TRA2B: variants seen among roughly 807,000 people sequenced by gnomAD.
TRA2B encodes transformer-2 protein homolog beta.
In TRA2B, 14 loss-of-function variants were observed where a neutral mutation model predicts 41.7. That is an observed-to-expected ratio of 0.34 (90% CI 0.22 to 0.53). TRA2B has a LOEUF of 0.53. Ranked by LOEUF, TRA2B falls within the 20% of genes least tolerant of loss-of-function variation. The probability of loss-of-function intolerance (pLI) is 0.95; values close to 1 mark genes in which losing one functional copy is unlikely to be tolerated. For missense variants in TRA2B, 167 were observed against 396.8 expected, an observed-to-expected ratio of 0.42 and a Z score of 4.92; for synonymous variants, 130 against 128.8, an observed-to-expected ratio of 1.01 and a Z score of -0.06.
intron 7 of TRA2B, 144 bp downstream of exon 7, chr3:185,919,293 T>A: frequency 1.7e-6 from 1 of 575,980 alleles, no homozygotes; most frequent in Non-Finnish European, 3.0e-6. Flanking sequence ...TTTATACATT[T>A]AGTTTCCGTT....
At chr3:185,937,303 T>C in intron 1 of TRA2B, 11 of 987,546 alleles carry the variant, frequency 1.1e-5, no homozygotes, top group Non-Finnish European at 1.3e-5. Flanking sequence ...GGTCCTTCGT[T>C]AACCTAAACA....
chr3:185,937,477 C>A (rs1578491699), intron 1 of TRA2B: 12 of 1,066,764 alleles, frequency 1.1e-5, no homozygotes, highest in Non-Finnish European at 1.3e-5. Flanking sequence ...ATGGCTGCGG[C>A]GGACCTTCGC....
intron 4 of TRA2B, chr3:185,923,581 A>G (rs1743824660): frequency 7.4e-6 from 3 of 403,290 alleles, no homozygotes; most frequent in Non-Finnish European, 1.3e-5. Flanking sequence ...GTTGACCCCA[A>G]TAGGTGGCAA....
At position 185,935,499 on chromosome 3, in the gene TRA2B, C is replaced by CA. The variant is rs554148784; in HGVS notation, c.36+2325dup. On this transcript the variant is annotated intron_variant, in intron 1 of 8. Coordinates refer to ENST00000453386, the MANE Select transcript of TRA2B (RefSeq NM_004593.3). ...ACCTTAAAGGGGAGGGACACAACAA[C>CA]AAACTCCTACAGTCACTGGAAAAGG... is the stretch of plus-strand genomic sequence containing the variant. 3.0e-3 allele frequency: 3,005 copies of CA among 985,384 alleles called. 4 individuals carry two copies. The highest frequency in any genetic ancestry group is 3.8e-3 in the South Asian group (80 of 21,292). The allele number at this position is 985,384 out of a possible 1,614,324, so 61.0% of individuals were successfully genotyped here.
intron 3 of TRA2B, 84 bp downstream of exon 3, chr3:185,925,380 A>G: frequency 6.7e-7 from 1 of 1,500,422 alleles, no homozygotes; most frequent in Non-Finnish European, 9.0e-7. Flanking sequence ...CAACTGCTAA[A>G]GCTCTATTGT....
chr3:185,932,497 A>G (rs1051632809), intron 1 of TRA2B, among the ~76,000 whole-genome samples: 4 of 152,190 alleles, frequency 2.6e-5, no homozygotes, highest in Admixed American at 2.6e-4. Flanking sequence ...CAAGTCAACC[A>G]CCTACAATAT....
chr3:185,920,410 C>A (rs1285264236), intron 6 of TRA2B, among the ~76,000 whole-genome samples: 2 of 152,128 alleles, frequency 1.3e-5, no homozygotes, highest in Non-Finnish European at 2.9e-5. Flanking sequence ...CAGGTGGGAG[C>A]GTACTTGGCT....
intron 7 of TRA2B, 33 bp from the exon 8 acceptor site, chr3:185,918,471 A>T: frequency 6.9e-7 from 1 of 1,453,464 alleles, no homozygotes; most frequent in Non-Finnish European, 9.7e-7. Context: ...TCTAAGTCTC[A>T]ATAGATCACA....
intron 4 of TRA2B, 104 bp from the exon 5 acceptor site, chr3:185,922,230 G>GTT (rs1743769964): frequency 2.8e-6 from 2 of 705,018 alleles, no homozygotes; most frequent in Non-Finnish European, 4.7e-6. Context: ...GGTGCATTAA[G>GTT]TTATCTTAAT....
chr3:185,923,680 A>T, intron 4 of TRA2B, 116 bp downstream of exon 4: 1 of 979,544 alleles, frequency 1.0e-6, no homozygotes, highest in Non-Finnish European at 1.4e-6. Context: ...AAGAGGTTGG[A>T]GAAAAAGTTC....
In TRA2B at chr3:185,926,690, C is replaced by A; in HGVS notation, c.81G>T (p.Gly27=). 6.2e-7 allele frequency: 1 copy of A among 1,614,106 alleles called. No homozygotes were observed. Among genetic ancestry groups the A allele is most frequent in the Non-Finnish European group, 8.5e-7 (1 of 1,180,002 alleles). The change falls in exon 2 of 9, where the codon GGG becomes GGT. Residue 27 remains glycine, a synonymous_variant. Transcript: ENST00000453386. ...ASRSGSAHGS[G]KSARHTPARS... Reference sequence around the variant, plus strand: ...TTGCAGGGGTATGCCTTGCAGATTTCCCCGATCCGTGAGCACTTCCACTTC... The same window carrying A: ...TTGCAGGGGTATGCCTTGCAGATTTACCCGATCCGTGAGCACTTCCACTTC...
At chr3:185,937,420 TCCG>T (rs1213849503) in intron 1 of TRA2B, 1 of 1,018,498 alleles carries the variant, frequency 9.8e-7, no homozygotes, top group Non-Finnish European at 1.2e-6. Flanking sequence ...GCGCGGCTTC[TCCG>T]CCATTTTGTG....
chr3:185,919,537 T>G, intron 6 of TRA2B, 41 bp from the exon 7 acceptor site: 3 of 1,551,912 alleles, frequency 1.9e-6, no homozygotes, highest in Non-Finnish European at 2.6e-6. Context: ...ATTCAGTTTG[T>G]AAGTTTTAAA....
intron 1 of TRA2B, chr3:185,934,338 G>A (rs929252737): frequency 3.0e-6 from 3 of 985,130 alleles, no homozygotes; most frequent in African/African-American, 3.5e-5. Context: ...AGAGAAAGGA[G>A]GAAAAAACGC....
intron 5 of TRA2B, among the ~76,000 whole-genome samples, chr3:185,921,683 G>C (rs986710752): frequency 6.6e-6 from 1 of 152,170 alleles, no homozygotes; most frequent in Non-Finnish European, 1.5e-5. Flanking sequence ...AGAACTGCTT[G>C]AACCCAGGAG....
intron 1 of TRA2B, among the ~76,000 whole-genome samples, chr3:185,932,859 T>G (rs1293614523): frequency 2.0e-5 from 3 of 152,154 alleles, no homozygotes; most frequent in Non-Finnish European, 2.9e-5. Flanking sequence ...GAAAAAAATG[T>G]AAGGCTTTGT....
intron 1 of TRA2B, chr3:185,935,894 G>A (rs1744333067): frequency 3.0e-6 from 3 of 984,506 alleles, no homozygotes; most frequent in Non-Finnish European, 2.4e-6. Context: ...AGACTCTTAT[G>A]TAAGAAAAAA....
intron 1 of TRA2B, chr3:185,936,620 T>C: frequency 2.0e-6 from 2 of 985,122 alleles, no homozygotes; most frequent in Non-Finnish European, 2.4e-6. Flanking sequence ...ACCTGATAAA[T>C]CATATTCAGA....
chr3:185,922,300 A>G (rs1743773023), intron 4 of TRA2B, 174 bp from the exon 5 acceptor site: 2 of 436,596 alleles, frequency 4.6e-6, no homozygotes, highest in South Asian at 5.6e-5. Context: ...CTAAATGTTC[A>G]TTTGTAAAAG....
Sources: gnomAD v4.1 joint callset for allele counts (sites outside exome capture counted in the v4.1 genomes callset) on GRCh38, gnomAD v4.1.1 for gene constraint, MANE v1.5 for transcripts, NCBI Gene and HGNC (gene_info 2026-07-23, HGNC 2026-07-21) for gene names.